Variants in DBT observed in about 807,000 individuals in gnomAD.
The protein encoded by DBT is dihydrolipoamide branched chain transacylase E2.
Under a neutral mutation model 51.3 loss-of-function variants are expected in DBT, and 40 were observed. The observed-to-expected ratio is 0.78, with a 90% confidence interval of 0.61 to 1.02. The LOEUF is 1.02. DBT is among the 50% of genes least tolerant of loss of function. DBT has a pLI of 0.00. For synonymous variants in DBT, 181 were observed against 190.4 expected, an observed-to-expected ratio of 0.95 and a Z score of 0.41; for missense variants, 510 against 580.2, an observed-to-expected ratio of 0.88 and a Z score of 1.24.
At chr1:100,225,447 C>G (rs1349916360) in intron 4 of DBT, among the ~76,000 whole-genome samples, 6 of 152,014 alleles carry the variant, frequency 3.9e-5, no homozygotes, top group African/African-American at 1.5e-4. Context: ...ACAGGCCCCC[C>G]ACAAAATGTA....
intron 7 of DBT, chr1:100,213,536 A>G: frequency 1.3e-6 from 2 of 1,557,784 alleles, no homozygotes; most frequent in Middle Eastern, 1.7e-4. Context: ...TCCCGTCTGC[A>G]GGGTCGGGGG....
chr1:100,220,269 CAAA>C (rs34088406), intron 4 of DBT, among the ~76,000 whole-genome samples: 2 of 149,624 alleles, frequency 1.3e-5, no homozygotes. Context: ...TTTCTGCAAG[CAAA>C]AAAAAAAAAT....
At chr1:100,207,808 G>C (rs1036056104) in intron 8 of DBT, among the ~76,000 whole-genome samples, 1 of 151,458 alleles carries the variant, frequency 6.6e-6, no homozygotes, top group Admixed American at 6.6e-5. Flanking sequence ...ATGGGTGACA[G>C]AGCAAAACTC....
In DBT at chr1:100,187,980, T is replaced by C. The variant is rs189649370; in HGVS notation, c.*8275A>G. 1.4e-4 allele frequency: 22 copies of C among 152,282 alleles called. No individual in the cohort carries two copies. The East Asian group carries it at 1.9e-3, about 13-fold the overall frequency. 9.4% of individuals were successfully genotyped at this position (152,282 alleles called of 1,614,324 possible). Reference sequence around the variant, plus strand: ...TTATTTCTAATATACACCTAGTTATTAGAGAAATTAGTGCACTAAAGGACA... The same window carrying C: ...TTATTTCTAATATACACCTAGTTATCAGAGAAATTAGTGCACTAAAGGACA... On this transcript the variant is annotated 3_prime_UTR_variant, in exon 11 of 11. Coordinates refer to ENST00000370132, the MANE Select transcript of DBT (RefSeq NM_001918.5).
chr1:100,213,518 G>A, intron 7 of DBT: 8 of 1,550,308 alleles, frequency 5.2e-6, no homozygotes, highest in Non-Finnish European at 7.1e-6. Flanking sequence ...CGTGGTCGTG[G>A]GAGGCTGTCC....
At chr1:100,240,927 C>T (rs771468630) in intron 1 of DBT, 43 bp from the exon 2 acceptor site, 1 of 1,593,448 alleles carries the variant, frequency 6.3e-7, no homozygotes, top group South Asian at 1.1e-5. Context: ...TATAAACAAC[C>T]ATACCGGCTT....
At chr1:100,199,861 C>T (rs1397701761) in intron 10 of DBT, among the ~76,000 whole-genome samples, 4 of 152,148 alleles carry the variant, frequency 2.6e-5, no homozygotes, top group Admixed American at 1.3e-4. Context: ...TGGTGCTATC[C>T]AGCCCAGATA....
intron 8 of DBT, among the ~76,000 whole-genome samples, chr1:100,210,325 TAAGAAG>T (rs145600331): frequency 0.42 from 60,926 of 143,734 alleles, 15,385 homozygotes; most frequent in Non-Finnish European, 0.55. Flanking sequence ...ATAATAATAA[TAAGAAG>T]AAGAAGAAGA....
rs568836464 is a variant in DBT at position 100,219,651 on chromosome 1, G to A, written c.434-904C>T. ...TGGTCCAAGCTACACAGGAAGCTGA[G>A]GCGGGGAGAATCACTTAAACCCAGG... On this transcript the variant is annotated intron_variant, in intron 4 of 10. Coordinates refer to ENST00000370132, the MANE Select transcript of DBT (RefSeq NM_001918.5). 4.7e-4 allele frequency among the ~76,000 whole-genome samples: 71 copies of A among 151,942 alleles called. 1 individual carries two copies. Among genetic ancestry groups the A allele is most frequent in the African/African-American group, 1.6e-3 (66 of 41,342 alleles).
At chr1:100,244,647 C>T (rs554690814) in intron 1 of DBT, among the ~76,000 whole-genome samples, 6 of 152,074 alleles carry the variant, frequency 3.9e-5, no homozygotes, top group African/African-American at 9.6e-5. Context: ...CTACATATAC[C>T]GTGTTTTTCC....
At chr1:100,201,477 A>C (rs770154404) in intron 10 of DBT, among the ~76,000 whole-genome samples, 3 of 152,192 alleles carry the variant, frequency 2.0e-5, no homozygotes, top group Non-Finnish European at 4.4e-5. Context: ...TGGAAAACAC[A>C]CTTCAGGATA....
chr1:100,235,373 AAT>A (rs1242005636), intron 3 of DBT, 61 bp downstream of exon 3: 39 of 816,796 alleles, frequency 4.8e-5, no homozygotes, highest in Middle Eastern at 3.5e-4. Context: ...TAAAAATAAA[AAT>A]AGTTATTTTT....
chr1:100,213,431 A>G, intron 7 of DBT: 2 of 1,581,638 alleles, frequency 1.3e-6, no homozygotes, highest in Admixed American at 1.7e-5. Flanking sequence ...CTACCTCGTC[A>G]CACGGACACC....
In DBT at chr1:100,235,509, G is replaced by T. The variant is rs955737855; in HGVS notation, c.178C>A (p.Leu60Ile). The T allele has an allele frequency of 6.4e-7, 1 of 1,560,500 alleles. No homozygotes were observed. The highest frequency in any genetic ancestry group is 1.4e-5 in the African/African-American group (1 of 73,936). Residue 60 changes from leucine to isoleucine, a missense_variant and splice_region_variant, in exon 3 of 11, where the codon CTC (leucine) becomes ATC (isoleucine). By Grantham distance (5) the Leu-to-Ile change is conservative. Coordinates refer to ENST00000370132, the MANE Select transcript of DBT (RefSeq NM_001918.5). ...TTGAACTGAACAACCTGTCCACGGA[G>T]AGCTTCAAAGACAAATGAGAAATGA... Reference protein sequence around the residue: ...PHHFLKTTAALRGQVVQFKLS... With the variant: ...PHHFLKTTAAIRGQVVQFKLS...
chr1:100,225,052 T>TATACACACAC lies in DBT; in HGVS notation c.433+5680_433+5681insGTGTGTGTAT, dbSNP rs1185819980. ...AAAAAAAAAAAAAAAAATATATATA[T>TATACACACAC]ACACACACACACACACACACACACA... On this transcript the variant is annotated intron_variant, in intron 4 of 10. Transcript: ENST00000370132. 4.0e-4 allele frequency among the ~76,000 whole-genome samples: 32 copies of TATACACACAC among 79,054 alleles called. 2 individuals are homozygous for TATACACACAC. The highest frequency in any genetic ancestry group is 1.6e-3 in the African/African-American group (32 of 19,932). The allele number at this position is 79,054 out of a possible 152,430, so 51.9% of individuals were successfully genotyped here.
intron 1 of DBT, among the ~76,000 whole-genome samples, chr1:100,243,544 C>A (rs7531657): frequency 0.99 from 150,471 of 151,940 alleles, 74,524 homozygotes; most frequent in Middle Eastern, 1. Context: ...GTGCTCTCGA[C>A]CTCCTCAGCT....
intron 10 of DBT, chr1:100,197,188 C>T (rs962553256): frequency 1.3e-5 from 2 of 152,360 alleles, no homozygotes; most frequent in Non-Finnish European, 2.9e-5. Flanking sequence ...AGTTTCTAAG[C>T]TCTACTCTCT....
intron 4 of DBT, among the ~76,000 whole-genome samples, chr1:100,226,283 C>CT (rs71084810): frequency 3.8e-4 from 33 of 86,640 alleles, no homozygotes; most frequent in East Asian, 3.2e-3. Context: ...TAAATTATGC[C>CT]TTTTTTTTTT....
chr1:100,210,934 C>T, intron 7 of DBT, 163 bp from the exon 8 acceptor site: 1 of 1,466,374 alleles, frequency 6.8e-7, no homozygotes, highest in Non-Finnish European at 9.3e-7. Context: ...CCAATGTTAC[C>T]TTCAGGCCAT....
Sources: allele counts gnomAD v4.1 joint callset (sites outside exome capture counted in the v4.1 genomes callset), GRCh38; gene constraint gnomAD v4.1.1; transcripts MANE v1.5; gene names NCBI Gene and HGNC (gene_info 2026-07-23, HGNC 2026-07-21).